The following NPAS3 variants were observed in gnomAD, a reference collection of about 807,000 sequenced individuals.
NPAS3 encodes neuronal PAS domain protein 3.
Under a neutral mutation model 73.1 loss-of-function variants are expected in NPAS3, and 14 were observed. The ratio of observed to expected loss-of-function variants is 0.19; its 90% CI spans 0.13 to 0.30. NPAS3 has a LOEUF of 0.30. Ranked by LOEUF, NPAS3 falls within the 10% of genes least tolerant of loss-of-function variation. The pLI is 1.00. For synonymous variants in NPAS3, 620 were observed against 541.5 expected (o/e 1.14, Z -2.01); for missense variants, 1,096 against 1,250.0 (o/e 0.88, Z 1.86).
Position 33,206,207 on chromosome 14 carries a change from C to T in NPAS3, c.141-8975C>T, listed in dbSNP as rs59550251. On this transcript the variant is annotated intron_variant, in intron 2 of 11. Transcript: ENST00000356141. Reference sequence around the variant, plus strand: ...AATCATGAGGATTTTATTCCTATAGCGGCAATATTGCACATTAGTGATAAG... The same window carrying T: ...AATCATGAGGATTTTATTCCTATAGTGGCAATATTGCACATTAGTGATAAG... 1.5e-3 allele frequency among the ~76,000 whole-genome samples: 233 copies of T among 152,208 alleles called. 1 individual carries two copies. Among genetic ancestry groups the T allele is most frequent in the African/African-American group, 5.3e-3 (219 of 41,552 alleles).
chr14:32,940,274 A>G (rs11851784), intron 1 of NPAS3, among the ~76,000 whole-genome samples: 231 of 152,332 alleles, frequency 1.5e-3, no homozygotes, highest in African/African-American at 5.4e-3. Context: ...TAGTACAGCC[A>G]CAGGGAAAGG....
At chr14:33,692,711 A>G (rs1029812285) in intron 6 of NPAS3, among the ~76,000 whole-genome samples, 1 of 152,088 alleles carries the variant, frequency 6.6e-6, no homozygotes, top group Non-Finnish European at 1.5e-5. Context: ...GAGACTAAGC[A>G]GAGTTTTTCA....
chr14:33,120,234 C>A (rs992966748), intron 2 of NPAS3, among the ~76,000 whole-genome samples: 1 of 152,144 alleles, frequency 6.6e-6, no homozygotes, highest in Non-Finnish European at 1.5e-5. Context: ...GCTGGGATTA[C>A]AGGCATGAGC....
At chr14:33,405,515 G>A (rs2047627921) in intron 4 of NPAS3, among the ~76,000 whole-genome samples, 1 of 152,050 alleles carries the variant, frequency 6.6e-6, no homozygotes, top group Non-Finnish European at 1.5e-5. Context: ...TGTACAGTGA[G>A]GAACTTGACC....
At chr14:33,452,552 C>A (rs1193567801) in intron 4 of NPAS3, among the ~76,000 whole-genome samples, 1 of 151,866 alleles carries the variant, frequency 6.6e-6, no homozygotes, top group South Asian at 2.1e-4. Context: ...GCAGGCGGAT[C>A]ATGAGGTCAG....
chr14:33,523,451 C>CAAAA (rs755370427), intron 4 of NPAS3, among the ~76,000 whole-genome samples: 6 of 46,708 alleles, frequency 1.3e-4, no homozygotes, highest in Non-Finnish European at 2.2e-4. Flanking sequence ...GACTCTGTCT[C>CAAAA]AAAAAAAAAA....
chr14:33,550,474 A>C (rs981340028), intron 4 of NPAS3, among the ~76,000 whole-genome samples: 1 of 152,348 alleles, frequency 6.6e-6, no homozygotes, highest in African/African-American at 2.4e-5. Context: ...GCAAACCATA[A>C]AAATCTATAA....
chr14:33,201,724 T>C (rs1485953680), intron 2 of NPAS3, among the ~76,000 whole-genome samples: 4 of 152,136 alleles, frequency 2.6e-5, no homozygotes, highest in African/African-American at 9.7e-5. Context: ...TTCAGTGGAT[T>C]ATAGGTTCTG....
rs977929017 is a variant in NPAS3 at position 33,514,251 on chromosome 14, G to A, written c.469-45870G>A. On this transcript the variant is annotated intron_variant, in intron 4 of 11. Coordinates refer to ENST00000356141, the Ensembl canonical transcript of NPAS3. ...GTATAAGGAATAGTGCCTTGTCAAC[G>A]GAGTTGCACATAGACAGGGCAGCTT... is the stretch of plus-strand genomic sequence containing the variant. Among the ~76,000 whole-genome samples the A allele has an allele frequency of 3.3e-5, 5 of 151,984 alleles. No individual in the cohort carries two copies. The East Asian group carries it at 5.8e-4, about 18-fold the overall frequency.
chr14:33,420,732 A>C (rs1045384445), intron 4 of NPAS3, among the ~76,000 whole-genome samples: 2 of 151,946 alleles, frequency 1.3e-5, no homozygotes, highest in East Asian at 3.9e-4. Context: ...AGGTTTTTCA[A>C]ATCACACAAG....
chr14:33,536,623 C>G (rs1195245447), intron 4 of NPAS3, among the ~76,000 whole-genome samples: 1 of 152,080 alleles, frequency 6.6e-6, no homozygotes, highest in Admixed American at 6.6e-5. Context: ...GACTATAATG[C>G]AAGATTTGGA....
At chr14:33,772,439 C>T (rs1473698287) in intron 7 of NPAS3, among the ~76,000 whole-genome samples, 2 of 152,188 alleles carry the variant, frequency 1.3e-5, no homozygotes, top group East Asian at 3.8e-4. Flanking sequence ...ACAGCTCCCT[C>T]CCGGTAGCCT....
At chr14:33,097,542 T>C (rs1425240462) in intron 2 of NPAS3, among the ~76,000 whole-genome samples, 3 of 152,226 alleles carry the variant, frequency 2.0e-5, no homozygotes, top group Middle Eastern at 6.3e-3. Flanking sequence ...TGGTTATATA[T>C]GTAGATGTGT....
At position 32,946,962 on chromosome 14, in the gene NPAS3, G is replaced by A. The variant is rs117906151; in HGVS notation, c.50+7596G>A. ...ATCAGTATGCTAATGCAGAATTAAA[G>A]GGCTGTGAGTTGGGTACCTAGTGTA... On this transcript the variant is annotated intron_variant, in intron 1 of 11. Transcript: ENST00000356141. 1.1e-3 allele frequency among the ~76,000 whole-genome samples: 170 copies of A among 152,170 alleles called. 2 individuals carry two copies. The East Asian group carries it at 0.029, about 26-fold the overall frequency.
chr14:33,518,883 T>C (rs1451979505), intron 4 of NPAS3, among the ~76,000 whole-genome samples: 1 of 152,194 alleles, frequency 6.6e-6, no homozygotes, highest in Non-Finnish European at 1.5e-5. Flanking sequence ...TATTGTGGTC[T>C]TATTTGTTAT....
intron 3 of NPAS3, among the ~76,000 whole-genome samples, chr14:33,287,012 A>G (rs2041904494): frequency 6.6e-6 from 1 of 152,198 alleles, no homozygotes; most frequent in African/African-American, 2.4e-5. Context: ...TGCTCGGGAA[A>G]AAATCTAATT....
At chr14:33,716,493 A>C (rs1322548614) in intron 6 of NPAS3, among the ~76,000 whole-genome samples, 2 of 151,986 alleles carry the variant, frequency 1.3e-5, no homozygotes, top group African/African-American at 4.8e-5. Flanking sequence ...AAAAGTTATC[A>C]TTTTGCCATT....
At position 33,037,481 on chromosome 14, in the gene NPAS3, C is replaced by CA. The variant is rs11341910; in HGVS notation, c.51-18411dup. Among the ~76,000 whole-genome samples the CA allele has an allele frequency of 2.9e-3, 277 of 96,834 alleles. 2 individuals carry two copies. Among genetic ancestry groups the CA allele is most frequent in the East Asian group, 3.5e-3 (12 of 3,444 alleles). The allele number at this position is 96,834 out of a possible 152,430, so 63.5% of individuals were successfully genotyped here. ...ACAACATAGTGAGACCCCATCTCAG[C>CA]AAAAAAAAAAAAAGAAAAAAGAAAA... On this transcript the variant is annotated intron_variant, in intron 1 of 11. Transcript: ENST00000356141.
chr14:33,393,548 T>C (rs531558231), intron 4 of NPAS3, among the ~76,000 whole-genome samples: 45 of 152,170 alleles, frequency 3.0e-4, no homozygotes, highest in Admixed American at 7.2e-4. Flanking sequence ...CTTCCTTCAC[T>C]GTTCCCAAAA....
Sources: allele counts gnomAD v4.1 joint callset (sites outside exome capture counted in the v4.1 genomes callset), GRCh38; gene constraint gnomAD v4.1.1; transcripts MANE v1.5; gene names NCBI Gene and HGNC (gene_info 2026-07-23, HGNC 2026-07-21).